KIF16B: variants seen among roughly 807,000 people sequenced by gnomAD.
The protein encoded by KIF16B is kinesin-like protein KIF16B.
In KIF16B, 98 loss-of-function variants were observed where a neutral mutation model predicts 156.3. The observed-to-expected ratio is 0.63, with a 90% CI of 0.53 to 0.74. The LOEUF is 0.74. Ranked by LOEUF, KIF16B falls within the 30% of genes least tolerant of loss-of-function variation. The pLI, the probability that KIF16B is intolerant of heterozygous loss-of-function variation, is 0.00. For synonymous variants in KIF16B, 564 were observed against 583.7 expected (o/e 0.97, Z 0.49); for missense variants, 1,421 against 1,606.5 (o/e 0.88, Z 1.97).
intron 7 of KIF16B, 22 bp downstream of exon 7, chr20:16,507,936 C>T (rs2068835756): frequency 1.2e-6 from 2 of 1,613,388 alleles, no homozygotes; most frequent in African/African-American, 2.7e-5. Flanking sequence ...ATGGAGCCAG[C>T]TGGTCCCGCA....
At chr20:16,282,887 G>C (rs1234639628) in intron 25 of KIF16B, among the ~76,000 whole-genome samples, 4 of 152,154 alleles carry the variant, frequency 2.6e-5, no homozygotes, top group Admixed American at 2.6e-4. Flanking sequence ...CACAATCGTT[G>C]GTCAAATGAT....
At chr20:16,559,855 CA>C (rs2070995071) in intron 1 of KIF16B, among the ~76,000 whole-genome samples, 1 of 152,096 alleles carries the variant, frequency 6.6e-6, no homozygotes, top group Admixed American at 6.5e-5. Flanking sequence ...AGATAAAAGA[CA>C]TTGCTGGGGC....
intron 10 of KIF16B, 119 bp downstream of exon 10, chr20:16,504,253 T>C: frequency 9.9e-7 from 1 of 1,007,242 alleles, no homozygotes; most frequent in Non-Finnish European, 1.5e-6. Context: ...CATTCAAAGC[T>C]TTACTTAGCA....
intron 12 of KIF16B, among the ~76,000 whole-genome samples, chr20:16,482,086 T>C (rs1372510921): frequency 6.6e-6 from 1 of 152,106 alleles, no homozygotes; most frequent in African/African-American, 2.4e-5. Flanking sequence ...ATGTGAGAAG[T>C]GTATAGTCAT....
At chr20:16,412,572 CA>C (rs2065985212) in intron 15 of KIF16B, among the ~76,000 whole-genome samples, 1 of 152,106 alleles carries the variant, frequency 6.6e-6, no homozygotes, top group South Asian at 2.1e-4. Context: ...GGGAAGCAAA[CA>C]TGTCCTCTTT....
intron 23 of KIF16B, among the ~76,000 whole-genome samples, chr20:16,353,120 A>T (rs1488012735): frequency 6.6e-6 from 1 of 152,246 alleles, no homozygotes; most frequent in South Asian, 2.1e-4. Context: ...CCTTCAAAAA[A>T]GCTTAAAACT....
chr20:16,349,782 A>C (rs13039876), intron 23 of KIF16B, among the ~76,000 whole-genome samples: 5,179 of 152,226 alleles, frequency 0.034, 93 homozygotes, highest in African/African-American at 0.039. Context: ...GCAGTTCTGC[A>C]ATTTAGCATG....
chr20:16,439,779 G>C (rs1175741073), intron 12 of KIF16B, among the ~76,000 whole-genome samples: 1 of 152,136 alleles, frequency 6.6e-6, no homozygotes, highest in Non-Finnish European at 1.5e-5. Context: ...CAGACAAAGG[G>C]AGAGCTTGTG....
In KIF16B at chr20:16,406,408, G is replaced by C. The variant is rs768725839; in HGVS notation, c.1661C>G (p.Pro554Arg). The part of the protein sequence containing the change: ...GRTNMFRFNH[P>R]KEAAKLREKR... ...CTCCCTGAGCTTGGCGGCTTCCTTT[G>C]GATGGTTAAAGCGAAACATATTGGT... The change falls in exon 16 of 26, where the codon CCA (proline) becomes CGA (arginine). Residue 554 changes from proline to arginine, a missense_variant. Pro to Arg is a moderately radical substitution (Grantham distance 103, BLOSUM62 -2). Coordinates refer to ENST00000354981, the MANE Select transcript of KIF16B (RefSeq NM_024704.5). 6.2e-7 allele frequency: 1 copy of C among 1,613,532 alleles called. No homozygotes were observed. The highest frequency in any genetic ancestry group is 1.1e-5 in the South Asian group (1 of 91,048).
chr20:16,449,961 G>T (rs186224417), intron 12 of KIF16B, among the ~76,000 whole-genome samples: 2 of 152,048 alleles, frequency 1.3e-5, no homozygotes, highest in Non-Finnish European at 1.5e-5. Flanking sequence ...GAAGAAAATC[G>T]AAAGAATTAA....
intron 25 of KIF16B, among the ~76,000 whole-genome samples, chr20:16,287,428 TTCATCAGGGTGAAAATGTTAG>T (rs768024773): frequency 6.6e-6 from 1 of 152,216 alleles, no homozygotes; most frequent in Non-Finnish European, 1.5e-5. Context: ...CAAGTTAAAA[TTCATCAGGGTGAAAATGTTAG>T]TCTGTGATTA....
In KIF16B at chr20:16,273,191, T is replaced by C; in HGVS notation, c.*62A>G. On this transcript the variant is annotated 3_prime_UTR_variant, in exon 26 of 26. Transcript: ENST00000354981. ...GGATCCTCGCATGGGGGAGCTGCCC[T>C]GCATCGGAGCCCGCTTCGACGAGAA... The C allele has an allele frequency of 7.0e-7, 1 of 1,436,864 alleles. No individual in the cohort carries two copies. The highest frequency in any genetic ancestry group is 9.8e-7 in the Non-Finnish European group (1 of 1,024,712). The allele number at this position is 1,436,864 out of a possible 1,614,324, so 89.0% of individuals were successfully genotyped here.
At chr20:16,317,082 A>G (rs1432626749) in intron 24 of KIF16B, among the ~76,000 whole-genome samples, 6 of 152,366 alleles carry the variant, frequency 3.9e-5, no homozygotes, top group South Asian at 2.1e-4. Flanking sequence ...TTCTCACGTT[A>G]AATAAAAAGT....
rs118065804 is a variant in KIF16B at position 16,425,215 on chromosome 20, G to A, written c.1612+1889C>T. ...GGAATATCTTGTGTCAGAAAGTAAC[G>A]AAGTGTTTACAGAACAGTGAGGACA... is the stretch of plus-strand genomic sequence containing the variant. On this transcript the variant is annotated intron_variant, in intron 15 of 25. Coordinates refer to ENST00000354981, the MANE Select transcript of KIF16B (RefSeq NM_024704.5). 3.3e-3 allele frequency among the ~76,000 whole-genome samples: 506 copies of A among 152,212 alleles called. 4 individuals are homozygous for A. Among genetic ancestry groups the A allele is most frequent in the East Asian group, 0.023 (118 of 5,166 alleles).
chr20:16,377,027 C>T (rs1437195423), intron 19 of KIF16B, among the ~76,000 whole-genome samples: 2 of 152,212 alleles, frequency 1.3e-5, no homozygotes, highest in African/African-American at 4.8e-5. Context: ...ATAAGCCAAT[C>T]ATTTGAATGG....
In KIF16B at chr20:16,282,599, G is replaced by A. The variant is rs1212293928; in HGVS notation, c.3796-9188C>T. 5.3e-5 allele frequency among the ~76,000 whole-genome samples: 8 copies of A among 152,118 alleles called. No homozygotes were observed. In the East Asian group the frequency reaches 1.6e-3, roughly 30 times the overall value. On this transcript the variant is annotated intron_variant, in intron 25 of 25. Coordinates refer to ENST00000354981, the MANE Select transcript of KIF16B (RefSeq NM_024704.5). ...AAAGATACTGGAGGAAGCCTGTTCT[G>A]GGCAGAGCAGGAAGCAGGTACCAAG... is the stretch of plus-strand genomic sequence containing the variant.
At chr20:16,366,154 G>C (rs552785275) in intron 22 of KIF16B, among the ~76,000 whole-genome samples, 1 of 152,144 alleles carries the variant, frequency 6.6e-6, no homozygotes, top group Non-Finnish European at 1.5e-5. Context: ...CCTAGGAGGA[G>C]GCAGCTGACT....
chr20:16,552,157 C>A (rs945914054), intron 1 of KIF16B, among the ~76,000 whole-genome samples: 1 of 152,184 alleles, frequency 6.6e-6, no homozygotes, highest in Non-Finnish European at 1.5e-5. Context: ...TCCTCTGAGT[C>A]CCCCTTAGGT....
chr20:16,404,312 G>C (rs754370010), intron 17 of KIF16B, among the ~76,000 whole-genome samples: 1 of 152,152 alleles, frequency 6.6e-6, no homozygotes, highest in Non-Finnish European at 1.5e-5. Context: ...TAAGCTGACT[G>C]TCCAAGGTCA....
Sources: gnomAD v4.1 joint callset for allele counts (sites outside exome capture counted in the v4.1 genomes callset) on GRCh38, gnomAD v4.1.1 for gene constraint, MANE v1.5 for transcripts, NCBI Gene and HGNC (gene_info 2026-07-23, HGNC 2026-07-21) for gene names.